NAV3: variants seen among roughly 807,000 people sequenced by gnomAD.
NAV3 encodes neuron navigator 3, also known as pore membrane and/or filament interacting like protein 1.
NAV3 carries 87 observed loss-of-function variants against 244.7 expected under a neutral mutation model. That is an observed-to-expected ratio of 0.36 (90% CI 0.30 to 0.42). The LOEUF is 0.42. Among genes scored for constraint, NAV3 ranks in the 20% least tolerant of loss-of-function variants. The pLI is 1.00. For missense variants in NAV3, 2,663 were observed against 2,893.3 expected, an observed-to-expected ratio of 0.92 and a Z score of 1.83; for synonymous variants, 1,126 against 1,042.2, an observed-to-expected ratio of 1.08 and a Z score of -1.55.
intron 2 of NAV3, among the ~76,000 whole-genome samples, chr12:77,659,789 G>A (rs1244094273): frequency 6.6e-6 from 1 of 152,114 alleles, no homozygotes; most frequent in African/African-American, 2.4e-5. Context: ...CATAAAAAAT[G>A]ATGAGTTCAT....
At chr12:77,859,259 C>A (rs573856892) in intron 1 of NAV3, among the ~76,000 whole-genome samples, 1 of 151,964 alleles carries the variant, frequency 6.6e-6, no homozygotes, top group African/African-American at 2.4e-5. Flanking sequence ...CATAAACTTT[C>A]CTTGGGATTC....
At chr12:77,726,159 C>T (rs1876866509) in intron 2 of NAV3, among the ~76,000 whole-genome samples, 1 of 129,928 alleles carries the variant, frequency 7.7e-6, no homozygotes, top group African/African-American at 2.5e-5. Context: ...TTTCTGCCTT[C>T]CACATCTACC....
At chr12:77,989,708 A>G (rs1486052688) in intron 5 of NAV3, among the ~76,000 whole-genome samples, 2 of 152,198 alleles carry the variant, frequency 1.3e-5, no homozygotes, top group Non-Finnish European at 2.9e-5. Context: ...TTTATTCTCT[A>G]TACTGGAAAA....
At chr12:77,764,567 C>T (rs1869645912) in intron 2 of NAV3, among the ~76,000 whole-genome samples, 1 of 152,156 alleles carries the variant, frequency 6.6e-6, no homozygotes, top group Non-Finnish European at 1.5e-5. Context: ...ATTGATATAT[C>T]ATTTATTTGA....
intron 1 of NAV3, among the ~76,000 whole-genome samples, chr12:77,884,248 A>C (rs1883014159): frequency 6.6e-6 from 1 of 152,146 alleles, no homozygotes; most frequent in African/African-American, 2.4e-5. Flanking sequence ...GGATGGTTGG[A>C]TGGATAGACA....
intron 1 of NAV3, among the ~76,000 whole-genome samples, chr12:77,872,211 C>A (rs1394281100): frequency 1.3e-5 from 2 of 152,090 alleles, no homozygotes; most frequent in East Asian, 3.9e-4. Flanking sequence ...AAGAACCACA[C>A]ACATGGTATT....
At chr12:77,997,095 C>A (rs76052872) in intron 6 of NAV3, among the ~76,000 whole-genome samples, 1 of 151,700 alleles carries the variant, frequency 6.6e-6, no homozygotes, top group Non-Finnish European at 1.5e-5. Context: ...AAAGATGAGC[C>A]GGGCATGATA....
intron 5 of NAV3, among the ~76,000 whole-genome samples, 156 bp downstream of exon 5, chr12:77,968,858 C>A (rs1397912756): frequency 6.6e-6 from 1 of 152,162 alleles, no homozygotes; most frequent in Non-Finnish European, 1.5e-5. Flanking sequence ...TAAAACCACT[C>A]TTGTTTTGCT....
chr12:77,831,951 T>C (rs1273007378), intron 1 of NAV3, among the ~76,000 whole-genome samples: 1 of 152,220 alleles, frequency 6.6e-6, no homozygotes, highest in Non-Finnish European at 1.5e-5. Flanking sequence ...ATACTACTTA[T>C]TGATGAATGC....
At chr12:78,007,526 A>T in intron 8 of NAV3, 81 bp downstream of exon 8, 1 of 1,425,870 alleles carries the variant, frequency 7.0e-7, no homozygotes, top group Middle Eastern at 1.9e-4. Context: ...AAGGCTGATA[A>T]AGTGGTGCTT....
At chr12:78,181,169 C>G (rs950996457) in intron 30 of NAV3, 124 bp downstream of exon 30, 4 of 808,244 alleles carry the variant, frequency 4.9e-6, no homozygotes, top group Non-Finnish European at 7.5e-6. Flanking sequence ...AGAAATAGTC[C>G]TAGTTTGATC....
At chr12:77,693,821 C>T (rs1170700261) in intron 2 of NAV3, among the ~76,000 whole-genome samples, 1 of 152,046 alleles carries the variant, frequency 6.6e-6, no homozygotes, top group Non-Finnish European at 1.5e-5. Context: ...TTCTGGACTA[C>T]CAAACTCAGT....
chr12:77,799,798 T>C (rs2135966752), intron 2 of NAV3, among the ~76,000 whole-genome samples: 1 of 152,276 alleles, frequency 6.6e-6, no homozygotes, highest in Admixed American at 6.5e-5. Context: ...ATATCACAAA[T>C]GTTACATATG....
chr12:78,203,536 T>G (rs967692278), intron 38 of NAV3, among the ~76,000 whole-genome samples: 4 of 152,096 alleles, frequency 2.6e-5, no homozygotes, highest in Admixed American at 2.6e-4. Context: ...TTATTTTAGG[T>G]AAGTCCAACT....
chr12:78,148,293 T>C (rs1956942057), intron 21 of NAV3, among the ~76,000 whole-genome samples: 1 of 152,040 alleles, frequency 6.6e-6, no homozygotes, highest in South Asian at 2.1e-4. Context: ...CCAATAACAA[T>C]TTAAATGTGA....
rs184449975 is a variant in NAV3, at chr12:77,915,337, T to C, written c.244-24982T>C. 9.9e-5 allele frequency among the ~76,000 whole-genome samples: 15 copies of C among 152,162 alleles called. No homozygotes were observed. In the East Asian group the frequency reaches 2.7e-3, roughly 28 times the overall value. On this transcript the variant is annotated intron_variant, in intron 1 of 39. Coordinates refer to ENST00000397909, the MANE Select transcript of NAV3 (RefSeq NM_001024383.2). ...TAAATTAAACCTAACATTTATATAA[T>C]GGTAAAAATTCTTCCTGGCATTGCA...
intron 23 of NAV3, among the ~76,000 whole-genome samples, chr12:78,165,341 TGAGAA>T (rs1957734759): frequency 6.6e-6 from 1 of 152,016 alleles, no homozygotes; most frequent in Non-Finnish European, 1.5e-5. Context: ...TAGTATTTAA[TGAGAA>T]TAAGAAACTG....
intron 9 of NAV3, among the ~76,000 whole-genome samples, chr12:78,024,836 A>G (rs1040116587): frequency 2.6e-5 from 4 of 152,144 alleles, no homozygotes; most frequent in African/African-American, 7.2e-5. Context: ...ATAGCCAGGC[A>G]TGGTGGCGGG....
intron 3 of NAV3, among the ~76,000 whole-genome samples, chr12:77,948,089 G>A (rs1890531727): frequency 6.6e-6 from 1 of 151,964 alleles, no homozygotes; most frequent in South Asian, 2.1e-4. Context: ...AAATGCCAAA[G>A]ATGATGATTT....
Sources: gnomAD v4.1 joint callset for allele counts (sites outside exome capture counted in the v4.1 genomes callset) on GRCh38, gnomAD v4.1.1 for gene constraint, MANE v1.5 for transcripts, NCBI Gene and HGNC (gene_info 2026-07-23, HGNC 2026-07-21) for gene names.